The following DNAJB6 variants were observed in gnomAD, a reference collection of about 807,000 sequenced individuals.
The protein encoded by DNAJB6 is dnaJ homolog subfamily B member 6.
A neutral mutation model predicts 42.7 loss-of-function variants in DNAJB6; 16 were observed. The observed-to-expected ratio is 0.37, with a 90% CI of 0.25 to 0.57. The LOEUF (loss-of-function observed/expected upper bound fraction) is 0.57, where lower values mean the gene tolerates loss of function less well. Among genes scored for constraint, DNAJB6 ranks in the 20% least tolerant of loss-of-function variants. The pLI is 0.74. For synonymous variants in DNAJB6, 170 were observed against 163.5 expected, an observed-to-expected ratio of 1.04 and a Z score of -0.30; for missense variants, 347 against 416.8, an observed-to-expected ratio of 0.83 and a Z score of 1.46.
chr7:157,390,772 C>T (rs569569722), intron 8 of DNAJB6, among the ~76,000 whole-genome samples: 13 of 152,248 alleles, frequency 8.5e-5, no homozygotes, highest in African/African-American at 1.9e-4. Flanking sequence ...TTGATAATGG[C>T]GTGTGGGGGA....
Position 157,379,353 on chromosome 7 carries a change from G to T in DNAJB6, c.347-2893G>T, listed in dbSNP as rs1800634018. 3 of 152,214 alleles carry T rather than the reference G, an allele frequency of 2.0e-5. No homozygotes were observed. The South Asian group carries it at 6.2e-4, about 32-fold the overall frequency. The allele number at this position is 152,214 out of a possible 1,614,324, so 9.4% of individuals were successfully genotyped here. ...AAATTGTGACTAAACCAATGTTTTA[G>T]CATTGATAAATGGGAAATTGCGGAA... On this transcript the variant is annotated intron_variant, in intron 5 of 9. Coordinates refer to ENST00000262177, the MANE Select transcript of DNAJB6 (RefSeq NM_058246.4).
rs1032290963 is a variant in DNAJB6, at chr7:157,343,477, A to AT, written c.-27+6342dup. Among the ~76,000 whole-genome samples, 29 of 148,704 alleles carry AT rather than the reference A, an allele frequency of 2.0e-4. No homozygotes were observed. In the East Asian group the frequency reaches 4.2e-3, roughly 22 times the overall value. Reference sequence around the variant, plus strand: ...GCCTCAGATGAATTTAGAAACCACTATTTTTTTTTGAGATGGAGTCTTGCT... The same window carrying AT: ...GCCTCAGATGAATTTAGAAACCACTATTTTTTTTTTGAGATGGAGTCTTGCT... On this transcript the variant is annotated intron_variant, in intron 1 of 9. Coordinates refer to ENST00000262177, the MANE Select transcript of DNAJB6 (RefSeq NM_058246.4).
chr7:157,409,702 G>A, intron 8 of DNAJB6, 93 bp from the exon 9 acceptor site: 1 of 1,355,416 alleles, frequency 7.4e-7, no homozygotes. Flanking sequence ...TGGATTCAGG[G>A]AGATCGTGCG....
At chr7:157,369,434 C>T (rs1338381894) in intron 5 of DNAJB6, 1 of 456,414 alleles carries the variant, frequency 2.2e-6, no homozygotes, top group South Asian at 1.5e-5. Context: ...GGAAGAAGGC[C>T]CGCTCTTCCA....
chr7:157,402,528 G>T (rs990194579), intron 8 of DNAJB6, among the ~76,000 whole-genome samples: 7 of 152,222 alleles, frequency 4.6e-5, no homozygotes, highest in African/African-American at 1.7e-4. Flanking sequence ...GCTATGCATG[G>T]TGTCCATCTC....
At chr7:157,406,500 C>G (rs987008775) in intron 8 of DNAJB6, among the ~76,000 whole-genome samples, 2 of 152,244 alleles carry the variant, frequency 1.3e-5, no homozygotes, top group African/African-American at 4.8e-5. Flanking sequence ...CCAGCCCCAG[C>G]CTTCCTCCCA....
intron 5 of DNAJB6, chr7:157,380,387 A>G (rs2117066117): frequency 6.6e-6 from 1 of 152,294 alleles, no homozygotes; most frequent in East Asian, 1.9e-4. Flanking sequence ...AAAGGTTATG[A>G]TTTAACATCT....
At chr7:157,389,693 T>C (rs977307169) in intron 8 of DNAJB6, among the ~76,000 whole-genome samples, 2 of 152,312 alleles carry the variant, frequency 1.3e-5, no homozygotes, top group Admixed American at 6.5e-5. Context: ...CTACGTTATT[T>C]CGTCTTCCTG....
intron 8 of DNAJB6, among the ~76,000 whole-genome samples, chr7:157,405,485 T>C (rs895944235): frequency 1.2e-4 from 19 of 152,270 alleles, no homozygotes; most frequent in East Asian, 1.2e-3. Flanking sequence ...GGGAGGCGAA[T>C]GGGCCAGGGT....
chr7:157,341,725 A>C (rs548876083), intron 1 of DNAJB6, among the ~76,000 whole-genome samples: 64 of 152,290 alleles, frequency 4.2e-4, no homozygotes, highest in African/African-American at 1.4e-3. Context: ...CAGGACACAG[A>C]GTGCTTAGAA....
rs1003563305 is a variant in DNAJB6 at position 157,404,110 on chromosome 7, G to C, written c.692-5685G>C. 2.6e-5 allele frequency among the ~76,000 whole-genome samples: 4 copies of C among 151,860 alleles called. No homozygotes were observed. In the South Asian group the frequency reaches 6.2e-4, roughly 24 times the overall value. Reference sequence around the variant, plus strand: ...GCCCCCTGAGTAGCTTAGACTACAGGCATGCACCACTAGGCCTGGCTAATT... The same window carrying C: ...GCCCCCTGAGTAGCTTAGACTACAGCCATGCACCACTAGGCCTGGCTAATT... On this transcript the variant is annotated intron_variant, in intron 8 of 9. Transcript: ENST00000262177.
intron 1 of DNAJB6, among the ~76,000 whole-genome samples, chr7:157,341,059 T>G (rs2116845622): frequency 6.6e-6 from 1 of 151,642 alleles, no homozygotes; most frequent in Non-Finnish European, 1.5e-5. Flanking sequence ...TGGCCTCAAG[T>G]GAGTCTTTCA....
At chr7:157,359,510 G>A (rs561079437) in intron 2 of DNAJB6, among the ~76,000 whole-genome samples, 2 of 152,248 alleles carry the variant, frequency 1.3e-5, no homozygotes, top group East Asian at 3.9e-4. Context: ...ACTGTGTGTA[G>A]CTGAGATAGT....
intron 8 of DNAJB6, among the ~76,000 whole-genome samples, chr7:157,409,403 C>G (rs975603060): frequency 6.6e-6 from 1 of 152,174 alleles, no homozygotes; most frequent in Non-Finnish European, 1.5e-5. Flanking sequence ...AGGAGGAAAT[C>G]GCCAACTGGA....
At chr7:157,343,533 A>T (rs1272534339) in intron 1 of DNAJB6, among the ~76,000 whole-genome samples, 1 of 151,602 alleles carries the variant, frequency 6.6e-6, no homozygotes, top group Non-Finnish European at 1.5e-5. Context: ...CTGTGGTGTG[A>T]TCTCAGCTCA....
intron 8 of DNAJB6, among the ~76,000 whole-genome samples, chr7:157,394,079 TC>T (rs756155315): frequency 7.2e-4 from 110 of 152,248 alleles, no homozygotes; most frequent in Non-Finnish European, 1.4e-3. Flanking sequence ...CCTGAGTTTT[TC>T]TTCCTATTTT....
intron 8 of DNAJB6, among the ~76,000 whole-genome samples, chr7:157,390,512 TC>T (rs1443498018): frequency 2.0e-5 from 3 of 152,202 alleles, no homozygotes; most frequent in African/African-American, 7.2e-5. Context: ...GGAAATCACT[TC>T]CAGAACTTGC....
intron 5 of DNAJB6, chr7:157,379,398 A>C (rs1475864425): frequency 6.6e-6 from 1 of 152,254 alleles, no homozygotes; most frequent in African/African-American, 2.4e-5. Flanking sequence ...CGTAGAGTTT[A>C]ACTCTACAAC....
intron 1 of DNAJB6, among the ~76,000 whole-genome samples, chr7:157,342,406 C>G (rs1307786021): frequency 2.3e-5 from 3 of 130,546 alleles, no homozygotes; most frequent in African/African-American, 8.6e-5. Context: ...GGTGCAATCT[C>G]AGCTCACTGC....
Sources: allele counts gnomAD v4.1 joint callset (sites outside exome capture counted in the v4.1 genomes callset), GRCh38; gene constraint gnomAD v4.1.1; transcripts MANE v1.5; gene names NCBI Gene and HGNC (gene_info 2026-07-23, HGNC 2026-07-21).